Variants in TENM2 observed in about 807,000 individuals in gnomAD.
The protein encoded by TENM2 is teneurin-2.
In TENM2, 52 loss-of-function variants were observed where a neutral mutation model predicts 245.2. The ratio of observed to expected loss-of-function variants is 0.21; its 90% confidence interval spans 0.17 to 0.27. The LOEUF (loss-of-function observed/expected upper bound fraction) is 0.27, where lower values mean the gene tolerates loss of function less well. TENM2 is among the 10% of genes least tolerant of loss of function. TENM2 has a pLI of 1.00. For missense variants in TENM2, 3,046 were observed against 3,666.8 expected (o/e 0.83, Z 4.37); for synonymous variants, 1,363 against 1,438.9 (o/e 0.95, Z 1.19).
In TENM2 at chr5:167,934,893, C is replaced by T. The variant is rs187002742; in HGVS notation, c.713-17695C>T. 3.2e-3 allele frequency: 3,144 copies of T among 985,510 alleles called. 6 individuals carry two copies. Among genetic ancestry groups the T allele is most frequent in the Admixed American group, 4.2e-3 (69 of 16,294 alleles). The allele number at this position is 985,510 out of a possible 1,614,324, so 61.0% of individuals were successfully genotyped here. On this transcript the variant is annotated intron_variant, in intron 3 of 28. Coordinates refer to ENST00000518659, the Ensembl canonical transcript of TENM2. ...GTACGCGTTCGGCAGGACGGGTGTG[C>T]AGGCTGCACTGCCCTTGAGTCGTCC...
intron 4 of TENM2, among the ~76,000 whole-genome samples, chr5:167,981,091 T>C (rs956355942): frequency 2.0e-5 from 3 of 152,188 alleles, no homozygotes; most frequent in African/African-American, 4.8e-5. Context: ...AGTAAGGATA[T>C]GAAGGCCCAG....
the TENM2 span, among the ~76,000 whole-genome samples, chr5:167,070,830 T>A: frequency 4.7e-4 from 72 of 152,308 alleles, no homozygotes; most frequent in African/African-American, 1.7e-3. Context: ...TTTGATATTT[T>A]AGCAGCAGGC....
At chr5:168,169,611 C>G (rs1758619993) in intron 13 of TENM2, among the ~76,000 whole-genome samples, 2 of 152,206 alleles carry the variant, frequency 1.3e-5, no homozygotes, top group South Asian at 4.1e-4. Context: ...CGGCATTTAT[C>G]TCACTTGCTA....
chr5:167,232,234 A>T, the TENM2 span, among the ~76,000 whole-genome samples: 2 of 152,168 alleles, frequency 1.3e-5, no homozygotes, highest in Non-Finnish European at 2.9e-5. Flanking sequence ...TGGAGCTGTG[A>T]GAAGATGGCC....
chr5:168,148,909 A>T (rs1220845073), intron 12 of TENM2, among the ~76,000 whole-genome samples: 1 of 128,668 alleles, frequency 7.8e-6, no homozygotes, highest in East Asian at 2.0e-4. Flanking sequence ...ATAGATAGAT[A>T]GATAGATAGA....
At chr5:167,233,950 G>T in the TENM2 span, among the ~76,000 whole-genome samples, 2 of 146,654 alleles carry the variant, frequency 1.4e-5, no homozygotes, top group Non-Finnish European at 1.5e-5. Flanking sequence ...ATAAAAAAAA[G>T]AACCTTATGG....
chr5:167,641,687 T>A (rs1330592960), intron 2 of TENM2, among the ~76,000 whole-genome samples: 2 of 152,298 alleles, frequency 1.3e-5, no homozygotes, highest in East Asian at 3.9e-4. Context: ...TCCACTTCAC[T>A]TAGAACTCAC....
intron 5 of TENM2, among the ~76,000 whole-genome samples, chr5:168,035,411 C>A (rs1271211586): frequency 6.6e-6 from 1 of 151,786 alleles, no homozygotes; most frequent in Non-Finnish European, 1.5e-5. Flanking sequence ...GCATGAGAAT[C>A]CCTTGAACCT....
the TENM2 span, among the ~76,000 whole-genome samples, chr5:167,266,939 T>A: frequency 5.9e-5 from 9 of 152,320 alleles, no homozygotes; most frequent in South Asian, 1.9e-3. Context: ...GTGGGACACA[T>A]GTCGTTCTAT....
At chr5:167,511,537 A>G (rs530755210) in intron 2 of TENM2, among the ~76,000 whole-genome samples, 1 of 152,264 alleles carries the variant, frequency 6.6e-6, no homozygotes, top group African/African-American at 2.4e-5. Flanking sequence ...CTTAAATACA[A>G]TCTTAAGGGC....
chr5:167,000,439 AATCTAC>A, the TENM2 span, among the ~76,000 whole-genome samples: 7 of 152,186 alleles, frequency 4.6e-5, no homozygotes, highest in African/African-American at 1.7e-4. Flanking sequence ...ATTTGAAAGA[AATCTAC>A]ATCCAGGGCT....
At chr5:167,489,705 T>G (rs1768304748) in intron 2 of TENM2, among the ~76,000 whole-genome samples, 1 of 152,232 alleles carries the variant, frequency 6.6e-6, no homozygotes, top group African/African-American at 2.4e-5. Context: ...CTGATGTCTA[T>G]ATCCTCAGTG....
intron 12 of TENM2, among the ~76,000 whole-genome samples, chr5:168,149,979 A>T (rs1043434975): frequency 2.6e-5 from 4 of 152,188 alleles, no homozygotes; most frequent in African/African-American, 4.8e-5. Context: ...CAAACAACTT[A>T]TCATCAGGGG....
the TENM2 span, among the ~76,000 whole-genome samples, chr5:167,201,256 A>G: frequency 6.6e-6 from 1 of 152,340 alleles, no homozygotes; most frequent in African/African-American, 2.4e-5. Flanking sequence ...TCCCAATAAC[A>G]TAATATTCAA....
intron 3 of TENM2, among the ~76,000 whole-genome samples, chr5:167,894,724 T>A (rs929290983): frequency 6.6e-6 from 1 of 152,208 alleles, no homozygotes; most frequent in African/African-American, 2.4e-5. Context: ...GGTTGACAAA[T>A]TATTGTGCAT....
In TENM2 at chr5:168,050,388, G is replaced by A. The variant is rs1322822587; in HGVS notation, c.1309+2839G>A. Among the ~76,000 whole-genome samples, 3 of 152,268 alleles carry A rather than the reference G, an allele frequency of 2.0e-5. No homozygotes were observed. In the East Asian group the frequency reaches 5.8e-4, roughly 29 times the overall value. On this transcript the variant is annotated intron_variant, in intron 6 of 28. Coordinates refer to ENST00000518659, the Ensembl canonical transcript of TENM2. The stretch of plus-strand genomic sequence containing the variant: ...CCCATTCCCCAATTCTATACATTTA[G>A]ATAACCTGAATCAATTCCAATCGAC...
intron 2 of TENM2, among the ~76,000 whole-genome samples, chr5:167,414,024 G>A (rs1763041453): frequency 6.6e-6 from 1 of 152,102 alleles, no homozygotes; most frequent in Admixed American, 6.6e-5. Flanking sequence ...TTTAGGCTAG[G>A]CAAACATGGT....
chr5:167,475,525 C>T (rs947374336), intron 2 of TENM2, among the ~76,000 whole-genome samples: 7 of 151,908 alleles, frequency 4.6e-5, no homozygotes, highest in East Asian at 1.9e-4. Context: ...ATGTGCTGAA[C>T]GTGCGGGTTT....
At chr5:167,684,681 A>G (rs1269142701) in intron 2 of TENM2, among the ~76,000 whole-genome samples, 1 of 152,212 alleles carries the variant, frequency 6.6e-6, no homozygotes. Context: ...TTCCATCGCC[A>G]GAAGTCTTTT....
Sources: gnomAD v4.1 joint callset for allele counts (sites outside exome capture counted in the v4.1 genomes callset) on GRCh38, gnomAD v4.1.1 for gene constraint, MANE v1.5 for transcripts, NCBI Gene and HGNC (gene_info 2026-07-23, HGNC 2026-07-21) for gene names.